The following FXYD3 variants were observed in gnomAD, a reference collection of about 807,000 sequenced individuals.
The protein encoded by FXYD3 is FXYD domain containing ion transport regulator 3, also known as FXYD domain-containing ion transport regulator 3.
A neutral mutation model predicts 19.2 loss-of-function variants in FXYD3; 13 were observed. The observed-to-expected ratio is 0.68, with a 90% CI of 0.44 to 1.08. The LOEUF is 1.08. Among genes scored for constraint, FXYD3 ranks in the 50% least tolerant of loss-of-function variants. The probability of loss-of-function intolerance (pLI) is 0.00; values close to 1 mark genes in which losing one functional copy is unlikely to be tolerated. For synonymous variants in FXYD3, 48 were observed against 38.9 expected (o/e 1.23, Z -0.87); for missense variants, 101 against 109.4 (o/e 0.92, Z 0.34).
chr19:35,123,464 C>T lies in FXYD3; in HGVS notation c.*7C>T, dbSNP rs752006247. ...AGGCTCAGCCCAAAGCTGATGAGGA[C>T]AGACCAGCTGAAATTGGGTGGAGGA... On this transcript the variant is annotated 3_prime_UTR_variant, in exon 9 of 9. Coordinates refer to ENST00000604404, the MANE Select transcript of FXYD3 (RefSeq NM_005971.4). The T allele has an allele frequency of 1.3e-5, 21 of 1,614,128 alleles. No individual in the cohort carries two copies. The highest frequency in any genetic ancestry group is 1.7e-4 in the Middle Eastern group (1 of 6,060).
intron 5 of FXYD3, chr19:35,121,625 T>G: frequency 9.8e-7 from 1 of 1,023,534 alleles, no homozygotes; most frequent in South Asian, 2.1e-5. Flanking sequence ...CGCTCTGCCC[T>G]CACCTCTCCA....
chr19:35,122,876 G>A (rs1274328203), intron 6 of FXYD3, 37 bp downstream of exon 6: 11 of 1,613,712 alleles, frequency 6.8e-6, no homozygotes, highest in Non-Finnish European at 9.3e-6. Context: ...GCGGGCCGGG[G>A]CTGGGGCTCC....
intron 7 of FXYD3, 52 bp downstream of exon 7, chr19:35,123,006 G>A: frequency 6.5e-7 from 1 of 1,531,342 alleles, no homozygotes; most frequent in South Asian, 1.3e-5. Flanking sequence ...CGCTTTTCAG[G>A]GTGAAAGGGC....
chr19:35,117,193 G>A, intron 2 of FXYD3: 1 of 1,412,692 alleles, frequency 7.1e-7, no homozygotes, highest in Non-Finnish European at 9.2e-7. Context: ...GGGAACGTGA[G>A]GGCAGACCCA....
Position 35,121,178 on chromosome 19 carries a change from C to T in FXYD3, c.74-44C>T, listed in dbSNP as rs764787835. ...CCCCTGGGTGGGGAAGGCCTGCATC[C>T]TGGCTGTAATCCTGGATTCATGATC... On this transcript the variant is annotated intron_variant, in intron 4 of 8. Coordinates refer to ENST00000604404, the MANE Select transcript of FXYD3 (RefSeq NM_005971.4). The T allele has an allele frequency of 2.5e-6, 4 of 1,614,160 alleles. No homozygotes were observed. In the South Asian group the frequency reaches 3.3e-5, roughly 13 times the overall value.
chr19:35,122,568 C>T (rs1466285528), intron 5 of FXYD3, 197 bp from the exon 6 acceptor site: 5 of 591,050 alleles, frequency 8.5e-6, no homozygotes, highest in Non-Finnish European at 1.5e-5. Context: ...CTTATCTCTG[C>T]CTGACCCTGC....
intron 2 of FXYD3, chr19:35,116,692 G>A (rs1282580963): frequency 1.0e-6 from 1 of 985,148 alleles, no homozygotes; most frequent in Non-Finnish European, 1.2e-6. Context: ...TGCCTGGGTA[G>A]GTAGGGGTAT....
chr19:35,116,187 G>A, intron 1 of FXYD3, 77 bp from the exon 2 acceptor site: 1 of 984,162 alleles, frequency 1.0e-6, no homozygotes, highest in Non-Finnish European at 1.2e-6. Flanking sequence ...GCTGGGGAGG[G>A]GGTGAAGCTG....
chr19:35,121,143 C>G, intron 4 of FXYD3, 33 bp downstream of exon 4: 3 of 1,614,050 alleles, frequency 1.9e-6, no homozygotes, highest in East Asian at 4.5e-5. Context: ...CCGTCACACC[C>G]CCAAATTCTC....
chr19:35,122,719 G>A (rs1688017), intron 5 of FXYD3, 46 bp from the exon 6 acceptor site: 520,394 of 1,453,286 alleles, frequency 0.36, 96,223 homozygotes, highest in South Asian at 0.52. Context: ...GGGACAGATG[G>A]AGAGGACACA....
chr19:35,116,189 G>A lies in FXYD3; in HGVS notation c.-110-75G>A, dbSNP rs535224792. The A allele has an allele frequency of 2.9e-5, 29 of 984,396 alleles. No homozygotes were observed. In the South Asian group the frequency reaches 1.2e-3, roughly 40 times the overall value. The allele number at this position is 984,396 out of a possible 1,614,324, so 61.0% of individuals were successfully genotyped here. A position where few individuals can be genotyped will look rare whatever the true frequency, so the allele number is the denominator to read the frequency against. On this transcript the variant is annotated intron_variant, in intron 1 of 8. Transcript: ENST00000604404. ...CCTGCCGCCCATGGCTGGGGAGGGGGTGAAGCTGTCTCTTTAAGAGCAGGA... is the reference window on the plus strand; with the variant it reads ...CCTGCCGCCCATGGCTGGGGAGGGGATGAAGCTGTCTCTTTAAGAGCAGGA...
Position 35,123,293 on chromosome 19 carries a change from C to T in FXYD3, c.232C>T (p.Pro78Ser), listed in dbSNP as rs760957927. 3 of 1,607,878 alleles carry T rather than the reference C, an allele frequency of 1.9e-6. No individual in the cohort carries two copies. The highest frequency in any genetic ancestry group is 1.1e-5 in the South Asian group (1 of 89,752). The part of the protein sequence containing the change: ...KSGHHPGETP[P>S]LITPGSAQS ...TAGTCACCATCCAGGGGAGACTCCA[C>T]CTCTCATCACCCCAGGTAAGATGGG... The change falls in exon 8 of 9, where the codon CCT becomes TCT. Residue 78 changes from proline to serine, a missense_variant. Pro to Ser is a moderately conservative substitution (Grantham distance 74). Coordinates refer to ENST00000604404, the MANE Select transcript of FXYD3 (RefSeq NM_005971.4).
intron 2 of FXYD3, chr19:35,118,492 G>A: frequency 1.0e-6 from 1 of 989,316 alleles, no homozygotes; most frequent in Non-Finnish European, 1.2e-6. Flanking sequence ...GAGAGGGCAG[G>A]ACTGATGCCA....
chr19:35,118,927 G>A (rs1389822447), intron 2 of FXYD3, among the ~76,000 whole-genome samples: 4 of 152,156 alleles, frequency 2.6e-5, no homozygotes, highest in Admixed American at 6.5e-5. Context: ...CCAATGCCCC[G>A]CTTCCCCAAA....
rs2065032464 is a variant in FXYD3 at position 35,121,098 on chromosome 19, A to C, written c.61A>C (p.Asn21His). ...FLAGFPVLDA[N>H]DLEDKNSPFY... The stretch of plus-strand genomic sequence containing the variant: ...ACTAGGCTTTCCTGTCCTGGACGCC[A>C]ATGACCTAGAAGGTGAGTCAGACTG... The change falls in exon 4 of 9, where the codon AAT becomes CAT. Residue 21 changes from asparagine to histidine, a missense_variant. Asn to His is a moderately conservative substitution (Grantham distance 68, BLOSUM62 1). Transcript: ENST00000604404. The C allele has an allele frequency of 3.4e-5, 55 of 1,613,210 alleles. No individual in the cohort carries two copies. Among genetic ancestry groups the C allele is most frequent in the Non-Finnish European group, 4.7e-5 (55 of 1,180,040 alleles).
chr19:35,119,101 T>A (rs1032648139), intron 2 of FXYD3: 10 of 1,159,870 alleles, frequency 8.6e-6, no homozygotes, highest in Non-Finnish European at 1.1e-5. Context: ...CTTGTTTGGT[T>A]GCGGGGCGAT....
At chr19:35,120,904 G>A (rs2065026815) in intron 3 of FXYD3, among the ~76,000 whole-genome samples, 174 bp from the exon 4 acceptor site, 1 of 152,204 alleles carries the variant, frequency 6.6e-6, no homozygotes, top group African/African-American at 2.4e-5. Context: ...GGCTGAGTGG[G>A]CGAGTCCACA....
In FXYD3 at chr19:35,124,153, C is replaced by T. The variant is rs1029703347; in HGVS notation, c.*696C>T. On this transcript the variant is annotated 3_prime_UTR_variant, in exon 9 of 9. Coordinates refer to ENST00000604404, the MANE Select transcript of FXYD3 (RefSeq NM_005971.4). The stretch of plus-strand genomic sequence containing the variant: ...GACCACATAGTGTGAGAACTTCCAA[C>T]AAGCCTCAAAGTCCCTTGAGACTCC... The T allele has an allele frequency of 6.5e-6, 1 of 152,970 alleles. No homozygotes were observed. The highest frequency in any genetic ancestry group is 1.5e-5 in the Non-Finnish European group (1 of 68,370). 9.5% of individuals were successfully genotyped at this position (152,970 alleles called of 1,614,324 possible).
intron 3 of FXYD3, among the ~76,000 whole-genome samples, chr19:35,120,823 T>C (rs1053868283): frequency 1.3e-5 from 2 of 152,132 alleles, no homozygotes; most frequent in Admixed American, 6.5e-5. Flanking sequence ...TGAGACCAAA[T>C]AGTGGCTAAA....
Sources: allele counts gnomAD v4.1 joint callset (sites outside exome capture counted in the v4.1 genomes callset), GRCh38; gene constraint gnomAD v4.1.1; transcripts MANE v1.5; gene names NCBI Gene and HGNC (gene_info 2026-07-23, HGNC 2026-07-21).